The following DCC variants were observed in gnomAD, a reference collection of about 807,000 sequenced individuals.
DCC encodes the protein netrin receptor DCC.
A neutral mutation model predicts 172.5 loss-of-function variants in DCC; 58 were observed. That is an observed-to-expected ratio of 0.34 (90% CI 0.27 to 0.42). The LOEUF (loss-of-function observed/expected upper bound fraction) is 0.42, where lower values mean the gene tolerates loss of function less well. DCC is among the 10% of genes least tolerant of loss of function. The pLI is 1.00. For missense variants in DCC, 1,740 were observed against 1,791.0 expected, an observed-to-expected ratio of 0.97 and a Z score of 0.51; for synonymous variants, 709 against 644.5, an observed-to-expected ratio of 1.10 and a Z score of -1.52.
intron 25 of DCC, among the ~76,000 whole-genome samples, chr18:53,468,897 G>A (rs902186026): frequency 7.9e-5 from 12 of 152,046 alleles, no homozygotes; most frequent in African/African-American, 2.9e-4. Flanking sequence ...CAGTATTCAT[G>A]CAGATAATCC....
At chr18:52,403,741 T>A (rs960704464) in intron 1 of DCC, among the ~76,000 whole-genome samples, 1 of 152,020 alleles carries the variant, frequency 6.6e-6, no homozygotes, top group East Asian at 1.9e-4. Context: ...AGCATAACCC[T>A]TCCCTAAATA....
intron 7 of DCC, among the ~76,000 whole-genome samples, chr18:53,153,953 C>T (rs1020327678): frequency 2.0e-5 from 3 of 152,150 alleles, no homozygotes; most frequent in African/African-American, 2.4e-5. Context: ...GGAGGACAGG[C>T]GATCTGAGCT....
At chr18:52,747,183 T>TC (rs2036919077) in intron 1 of DCC, among the ~76,000 whole-genome samples, 1 of 152,158 alleles carries the variant, frequency 6.6e-6, no homozygotes, top group Admixed American at 6.5e-5. Context: ...GATGTCAGAC[T>TC]CCGTTGTGTA....
At chr18:52,982,709 G>A (rs927859938) in intron 5 of DCC, among the ~76,000 whole-genome samples, 1 of 152,090 alleles carries the variant, frequency 6.6e-6, no homozygotes, top group Non-Finnish European at 1.5e-5. Context: ...ATCACCCTCT[G>A]TAGAGAACCA....
At chr18:53,077,779 G>A (rs1317362702) in intron 7 of DCC, among the ~76,000 whole-genome samples, 1 of 152,150 alleles carries the variant, frequency 6.6e-6, no homozygotes, top group Admixed American at 6.6e-5. Context: ...TCCACACATG[G>A]AGGCTTCTCA....
At chr18:53,445,991 G>T (rs940853050) in intron 22 of DCC, among the ~76,000 whole-genome samples, 7 of 150,076 alleles carry the variant, frequency 4.7e-5, no homozygotes, top group African/African-American at 1.7e-4. Flanking sequence ...GGTGGACCTG[G>T]TCGTTCATGC....
At chr18:53,489,475 A>C (rs1474371760) in intron 26 of DCC, among the ~76,000 whole-genome samples, 1 of 152,166 alleles carries the variant, frequency 6.6e-6, no homozygotes, top group African/African-American at 2.4e-5. Flanking sequence ...GAGAACACTA[A>C]ACAAACATTC....
intron 5 of DCC, among the ~76,000 whole-genome samples, chr18:53,031,704 A>G (rs933316543): frequency 6.6e-6 from 1 of 152,180 alleles, no homozygotes; most frequent in Non-Finnish European, 1.5e-5. Context: ...ACTGGACACC[A>G]ATCTAAAATT....
chr18:52,886,748 AC>A (rs2039576270), intron 2 of DCC, among the ~76,000 whole-genome samples: 1 of 151,928 alleles, frequency 6.6e-6, no homozygotes, highest in African/African-American at 2.4e-5. Flanking sequence ...AAAACCATGC[AC>A]TGTGAGTGCC....
chr18:52,742,525 A>G (rs2036839030), intron 1 of DCC, among the ~76,000 whole-genome samples: 1 of 152,186 alleles, frequency 6.6e-6, no homozygotes, highest in South Asian at 2.1e-4. Flanking sequence ...AATAAATATT[A>G]GGTGGATGAA....
chr18:52,756,167 G>T (rs1225672841), intron 2 of DCC, among the ~76,000 whole-genome samples: 2 of 152,138 alleles, frequency 1.3e-5, no homozygotes. Flanking sequence ...TATCCAATTA[G>T]CTCTAATCTA....
rs568503768 is a variant in DCC at position 53,369,425 on chromosome 18, C to T, written c.2360-16618C>T. On this transcript the variant is annotated intron_variant, in intron 15 of 28. Coordinates refer to ENST00000442544, the MANE Select transcript of DCC (RefSeq NM_005215.4). ...TATATGCATAAGACTTTATCATCTG[C>T]AAACAATAAAATTTTACTTCTTTTT... 2.0e-3 allele frequency among the ~76,000 whole-genome samples: 300 copies of T among 151,944 alleles called. 8 individuals carry two copies. Among genetic ancestry groups the T allele is most frequent in the East Asian group, 1.7e-3 (9 of 5,190 alleles).
intron 1 of DCC, among the ~76,000 whole-genome samples, chr18:52,665,681 G>T (rs1222544149): frequency 3.3e-5 from 5 of 152,166 alleles, no homozygotes; most frequent in African/African-American, 1.2e-4. Context: ...TGATGTTTTG[G>T]TAATTATAGT....
chr18:53,208,522 T>C (rs1177946307), intron 11 of DCC, among the ~76,000 whole-genome samples: 1 of 152,056 alleles, frequency 6.6e-6, no homozygotes, highest in Non-Finnish European at 1.5e-5. Context: ...AATCCCCCTA[T>C]ATTTACCTCT....
At chr18:53,506,166 C>G (rs1502216) in intron 27 of DCC, among the ~76,000 whole-genome samples, 7,975 of 152,138 alleles carry the variant, frequency 0.052, 706 homozygotes, top group African/African-American at 0.18. Context: ...TTCATCGCCA[C>G]CCTTACATAT....
chr18:53,323,180 T>G (rs767950572), intron 14 of DCC, among the ~76,000 whole-genome samples: 3 of 152,158 alleles, frequency 2.0e-5, no homozygotes, highest in East Asian at 3.9e-4. Context: ...CTTCCTCACT[T>G]TAACTCTTTT....
chr18:53,058,523 C>A (rs1212138224), intron 5 of DCC, among the ~76,000 whole-genome samples: 1 of 151,996 alleles, frequency 6.6e-6, no homozygotes, highest in Non-Finnish European at 1.5e-5. Context: ...AATAGTATAA[C>A]ATGATTATAC....
chr18:52,402,982 A>G (rs776796506), intron 1 of DCC, among the ~76,000 whole-genome samples: 1 of 152,040 alleles, frequency 6.6e-6, no homozygotes. Context: ...TAGTCACTGT[A>G]TAGGCTAAGC....
At chr18:53,467,313 A>T (rs1308470788) in intron 24 of DCC, among the ~76,000 whole-genome samples, 3 of 151,900 alleles carry the variant, frequency 2.0e-5, no homozygotes, top group Non-Finnish European at 4.4e-5. Flanking sequence ...GCATATATCC[A>T]TTTTTTCTAA....
Sources: allele counts gnomAD v4.1 joint callset (sites outside exome capture counted in the v4.1 genomes callset), GRCh38; gene constraint gnomAD v4.1.1; transcripts MANE v1.5; gene names NCBI Gene and HGNC (gene_info 2026-07-23, HGNC 2026-07-21).